ANXA11: variants seen among roughly 807,000 people sequenced by gnomAD.
ANXA11 encodes 56 kDa autoantigen.
A neutral mutation model predicts 64.7 loss-of-function variants in ANXA11; 57 were observed. The ratio of observed to expected loss-of-function variants is 0.88; its 90% CI spans 0.71 to 1.10. The LOEUF (loss-of-function observed/expected upper bound fraction) is 1.10. ANXA11 is among the 50% of genes least tolerant of loss of function. ANXA11 has a pLI of 0.00. For synonymous variants in ANXA11, 260 were observed against 265.2 expected, an observed-to-expected ratio of 0.98 and a Z score of 0.19; for missense variants, 675 against 670.7, an observed-to-expected ratio of 1.01 and a Z score of -0.07.
chr10:80,174,063 T>G (rs1289726626), intron 2 of ANXA11, among the ~76,000 whole-genome samples: 2 of 152,208 alleles, frequency 1.3e-5, no homozygotes, highest in African/African-American at 4.8e-5. Flanking sequence ...ATATTGGGTT[T>G]TGTTTGTTTG....
At chr10:80,178,965 AG>A (rs1463910811) in intron 1 of ANXA11, among the ~76,000 whole-genome samples, 3 of 152,166 alleles carry the variant, frequency 2.0e-5, no homozygotes. Flanking sequence ...CTTTCCCTTA[AG>A]GTATTGGACA....
intron 1 of ANXA11, among the ~76,000 whole-genome samples, chr10:80,194,323 C>T (rs186973390): frequency 2.0e-3 from 312 of 152,280 alleles, no homozygotes; most frequent in African/African-American, 7.1e-3. Context: ...GGACCTGAAG[C>T]TTCCACTTCA....
chr10:80,183,582 T>C (rs1331446451), intron 1 of ANXA11, among the ~76,000 whole-genome samples: 1 of 152,212 alleles, frequency 6.6e-6, no homozygotes, highest in African/African-American at 2.4e-5. Flanking sequence ...ATGGTAGAGC[T>C]TGGCCTGCAG....
At chr10:80,156,592 C>A (rs946021351) in intron 15 of ANXA11, 4 of 389,764 alleles carry the variant, frequency 1.0e-5, no homozygotes, top group Non-Finnish European at 2.1e-5. Context: ...CAGCTCACTG[C>A]AACCTCTGTC....
intron 15 of ANXA11, chr10:80,156,870 G>A (rs1312984493): frequency 2.6e-6 from 1 of 384,730 alleles, no homozygotes; most frequent in Non-Finnish European, 3.6e-6. Context: ...AGTTTCCTGT[G>A]ATGACATGCC....
At position 80,166,037 on chromosome 10, in the gene ANXA11, C is replaced by A. The variant is rs75344562; in HGVS notation, c.858+47G>T. 20 of 656,164 alleles carry A rather than the reference C, an allele frequency of 3.0e-5. No homozygotes were observed. The Admixed American group carries it at 3.7e-4, about 12-fold the overall frequency. The allele number at this position is 656,164 out of a possible 1,614,324, so 40.6% of individuals were successfully genotyped here. A position where few individuals can be genotyped will look rare whatever the true frequency, so the allele number is the denominator to read the frequency against. On this transcript the variant is annotated intron_variant, in intron 8 of 15. Coordinates refer to ENST00000422982, the MANE Select transcript of ANXA11 (RefSeq NM_145868.2). ...ACACGCATGCGCGCGTGCGCACACA[C>A]GCGCGCACACACACACACACACACA... is the stretch of plus-strand genomic sequence containing the variant.
chr10:80,164,495 G>T (rs566337641), intron 8 of ANXA11, among the ~76,000 whole-genome samples: 1 of 152,234 alleles, frequency 6.6e-6, no homozygotes, highest in Non-Finnish European at 1.5e-5. Flanking sequence ...AGCCGGAAGC[G>T]AGATGACAAC....
intron 1 of ANXA11, among the ~76,000 whole-genome samples, chr10:80,195,226 C>T (rs868280995): frequency 1.3e-5 from 2 of 152,310 alleles, no homozygotes; most frequent in Middle Eastern, 3.4e-3. Flanking sequence ...GGCTGAGCAC[C>T]CCTGCTCTAC....
rs766285457 is a variant in ANXA11, at chr10:80,170,813, T to G, written c.158A>C (p.Tyr53Ser). 6.7e-7 allele frequency: 1 copy of G among 1,483,702 alleles called. No individual in the cohort carries two copies. The highest frequency in any genetic ancestry group is 2.5e-5 in the Admixed American group (1 of 39,990). The allele number at this position is 1,483,702 out of a possible 1,614,324, so 91.9% of individuals were successfully genotyped here. ...AGCTGGACTCACCATTCCCGAGAGA[T>G]AGTCCTGGTTGAACTGCCCCGCATA... The part of the protein sequence containing the change: ...ATYAGQFNQD[Y>S]LSGMAANMSG... Residue 53 changes from tyrosine (Y) to serine (S), a missense_variant, in exon 4 of 16, where the codon TAT (tyrosine) becomes TCT (serine). Physicochemically the swap from Tyr to Ser is moderately radical, Grantham distance 144. Transcript: ENST00000422982.
intron 1 of ANXA11, among the ~76,000 whole-genome samples, chr10:80,182,533 A>C (rs1846393672): frequency 6.6e-6 from 1 of 152,118 alleles, no homozygotes; most frequent in South Asian, 2.1e-4. Flanking sequence ...ATATATGTAC[A>C]TTTTGTTTTG....
intron 1 of ANXA11, chr10:80,204,784 A>G: frequency 6.6e-6 from 1 of 152,564 alleles, no homozygotes; most frequent in Non-Finnish European, 1.5e-5. Flanking sequence ...AGCACCTGGG[A>G]TGGCTCCCGC....
In ANXA11 at chr10:80,170,862, T is replaced by G; in HGVS notation, c.109A>C (p.Ile37Leu). The change falls in exon 4 of 16, where the codon ATC becomes CTC. Residue 37 changes from isoleucine to leucine, a missense_variant. Physicochemically the swap from Ile to Leu is conservative, Grantham distance 5 (BLOSUM62 2). Transcript: ENST00000422982. ...AYPPPPSMPPIGLDNVATYAG... is the reference protein window; with the variant it reads ...AYPPPPSMPPLGLDNVATYAG... Reference sequence around the variant, plus strand: ...TAGGTGGCCACGTTATCCAGCCCGATGGGGGGCATGCTGGGCGGAGGAGGG... The same window carrying G: ...TAGGTGGCCACGTTATCCAGCCCGAGGGGGGGCATGCTGGGCGGAGGAGGG... 6.5e-7 allele frequency: 1 copy of G among 1,541,260 alleles called. No homozygotes were observed. Among genetic ancestry groups the G allele is most frequent in the South Asian group, 1.3e-5 (1 of 78,758 alleles).
rs1193657507 is a variant in ANXA11 at position 80,150,899 on chromosome 10, T to C, written c.*4954A>G. Reference sequence around the variant, plus strand: ...AACACAACAAAGCTCTCTTACTAAATCCAGCTTTTATTCTTAGGTATTCAC... The same window carrying C: ...AACACAACAAAGCTCTCTTACTAAACCCAGCTTTTATTCTTAGGTATTCAC... On this transcript the variant is annotated 3_prime_UTR_variant, in exon 16 of 16. Coordinates refer to ENST00000422982, the MANE Select transcript of ANXA11 (RefSeq NM_145868.2). 1 of 152,206 alleles carries C rather than the reference T, an allele frequency of 6.6e-6. No homozygotes were observed. Among genetic ancestry groups the C allele is most frequent in the African/African-American group, 2.4e-5 (1 of 41,444 alleles). 9.4% of individuals were successfully genotyped at this position (152,206 alleles called of 1,614,324 possible). A position where few individuals can be genotyped will look rare whatever the true frequency, so the allele number is the denominator to read the frequency against.
Position 80,157,912 on chromosome 10 carries a change from C to T in ANXA11, c.1335+55G>A. The stretch of plus-strand genomic sequence containing the variant: ...GGCCTTCTGCCCTCAGCCCTTGGTC[C>T]CAGGCACAGGCGAGGCTAAGGTTCC... On this transcript the variant is annotated intron_variant, in intron 14 of 15. Transcript: ENST00000422982. 2.5e-6 allele frequency: 4 copies of T among 1,604,506 alleles called. No individual in the cohort carries two copies. The Admixed American group carries it at 5.0e-5, about 20-fold the overall frequency.
chr10:80,157,853 CTCGGAA>C, intron 14 of ANXA11, 90 bp from the exon 15 acceptor site: 1 of 1,586,008 alleles, frequency 6.3e-7, no homozygotes, highest in Non-Finnish European at 8.6e-7. Context: ...TACCCAGGTC[CTCGGAA>C]CTCTCAGCTG....
intron 12 of ANXA11, among the ~76,000 whole-genome samples, chr10:80,160,625 C>A (rs1845467004): frequency 6.7e-6 from 1 of 148,496 alleles, no homozygotes; most frequent in Non-Finnish European, 1.5e-5. Context: ...TCCCTAGCTG[C>A]TCCTTCTTAG....
At chr10:80,167,135 C>T in intron 6 of ANXA11, 91 bp downstream of exon 6, 1 of 1,382,550 alleles carries the variant, frequency 7.2e-7, no homozygotes, top group Non-Finnish European at 1.0e-6. Flanking sequence ...AGGTCAGCGT[C>T]CCCCAGCTAC....
At position 80,169,167 on chromosome 10, in the gene ANXA11, C is replaced by T. The variant is rs763635303; in HGVS notation, c.363G>A (p.Pro121=). The stretch of plus-strand genomic sequence containing the variant: ...CCGGCACAGGGGCCCCTGGGTATGG[C>T]GGATATGAGGGCATCCTGGAGGGTG... ...GNPPSRMPSY[P]PYPGAPVPGQ... Residue 121 remains proline, a synonymous_variant, in exon 5 of 16, where the codon CCG becomes CCA. Transcript: ENST00000422982. 9 of 1,583,930 alleles carry T rather than the reference C, an allele frequency of 5.7e-6. No individual in the cohort carries two copies. The Admixed American group carries it at 1.1e-4, about 20-fold the overall frequency.
At chr10:80,199,547 C>T (rs898401219) in intron 1 of ANXA11, among the ~76,000 whole-genome samples, 10 of 151,952 alleles carry the variant, frequency 6.6e-5, no homozygotes, top group Admixed American at 2.0e-4. Context: ...GGCTCATGTC[C>T]GTAATCCCAG....
Sources: gnomAD v4.1 joint callset for allele counts (sites outside exome capture counted in the v4.1 genomes callset) on GRCh38, gnomAD v4.1.1 for gene constraint, MANE v1.5 for transcripts, NCBI Gene and HGNC (gene_info 2026-07-23, HGNC 2026-07-21) for gene names.